Variants in AP2A2 observed in about 807,000 individuals in gnomAD.
AP2A2 encodes adaptor related protein complex 2 subunit alpha 2, also known as AP-2 complex subunit alpha-2.
A neutral mutation model predicts 104.2 loss-of-function variants in AP2A2; 32 were observed. The observed-to-expected ratio is 0.31, with a 90% confidence interval of 0.23 to 0.41. The LOEUF is 0.41. Ranked by LOEUF, AP2A2 falls within the 10% of genes least tolerant of loss-of-function variation. The probability of loss-of-function intolerance (pLI) is 1.00; values close to 1 mark genes in which losing one functional copy is unlikely to be tolerated. For synonymous variants in AP2A2, 539 were observed against 533.3 expected (o/e 1.01, Z -0.15); for missense variants, 912 against 1,261.0 (o/e 0.72, Z 4.19).
intron 2 of AP2A2, among the ~76,000 whole-genome samples, chr11:963,018 A>T (rs1017430944): frequency 6.6e-6 from 1 of 152,336 alleles, no homozygotes; most frequent in Admixed American, 6.5e-5. Flanking sequence ...TATCAGTCAC[A>T]TTCATAGGTC....
intron 8 of AP2A2, among the ~76,000 whole-genome samples, chr11:986,020 G>A (rs1181729702): frequency 3.3e-5 from 5 of 152,254 alleles, no homozygotes; most frequent in African/African-American, 1.2e-4. Context: ...GGTGGCGGTC[G>A]CTCCACACAG....
chr11:999,226 C>G (rs1169543387), intron 14 of AP2A2, among the ~76,000 whole-genome samples: 1 of 152,142 alleles, frequency 6.6e-6, no homozygotes. Context: ...TGCCTTTGCC[C>G]CAGGATCAAA....
At chr11:963,104 G>T (rs570591172) in intron 2 of AP2A2, among the ~76,000 whole-genome samples, 1 of 152,178 alleles carries the variant, frequency 6.6e-6, no homozygotes, top group East Asian at 1.9e-4. Context: ...ATTTAGTTCA[G>T]TATATCTAAA....
At chr11:948,916 C>G (rs1293171049) in intron 1 of AP2A2, among the ~76,000 whole-genome samples, 1 of 152,182 alleles carries the variant, frequency 6.6e-6, no homozygotes, top group Non-Finnish European at 1.5e-5. Flanking sequence ...AGAATAAGCT[C>G]TGGGCCAGGT....
intron 1 of AP2A2, among the ~76,000 whole-genome samples, chr11:932,187 A>G (rs1178235052): frequency 6.6e-6 from 1 of 152,168 alleles, no homozygotes; most frequent in Non-Finnish European, 1.5e-5. Context: ...TCTTGGCCTC[A>G]AGTGATCCAC....
Position 928,698 on chromosome 11 carries a change from A to G in AP2A2, c.67+2610A>G, listed in dbSNP as rs114438220. ...GAGAACCACTAGTGTATCCCATTGA[A>G]TAACACAGCCCCTCCCCTGAAGGAG... On this transcript the variant is annotated intron_variant, in intron 1 of 21. Coordinates refer to ENST00000448903, the MANE Select transcript of AP2A2 (RefSeq NM_012305.4). 2.3e-3 allele frequency among the ~76,000 whole-genome samples: 354 copies of G among 152,352 alleles called. 2 individuals are homozygous for G. The highest frequency in any genetic ancestry group is 8.3e-3 in the African/African-American group (345 of 41,578).
At chr11:989,591 C>T (rs1855579563) in intron 10 of AP2A2, among the ~76,000 whole-genome samples, 1 of 152,192 alleles carries the variant, frequency 6.6e-6, no homozygotes, top group African/African-American at 2.4e-5. Context: ...AGCTTAATGT[C>T]CCGTGTTGTT....
intron 4 of AP2A2, among the ~76,000 whole-genome samples, chr11:974,241 C>T (rs890381879): frequency 1.3e-5 from 2 of 151,142 alleles, no homozygotes; most frequent in South Asian, 2.1e-4. Context: ...GTGGGTGGCC[C>T]GTGTTCTGGT....
At chr11:1,000,260 T>C (rs1228900839) in intron 14 of AP2A2, among the ~76,000 whole-genome samples, 172 bp from the exon 15 acceptor site, 2 of 152,218 alleles carry the variant, frequency 1.3e-5, no homozygotes, top group East Asian at 3.8e-4. Flanking sequence ...AGGAAGTGGC[T>C]GTTAGCCCTC....
intron 1 of AP2A2, among the ~76,000 whole-genome samples, chr11:938,174 G>A (rs534198419): frequency 2.6e-5 from 4 of 152,268 alleles, no homozygotes; most frequent in South Asian, 2.1e-4. Context: ...CACCTGGGTC[G>A]CCTGTGTGCC....
intron 5 of AP2A2, among the ~76,000 whole-genome samples, chr11:979,198 G>T (rs915419718): frequency 6.6e-6 from 1 of 150,692 alleles, no homozygotes; most frequent in Non-Finnish European, 1.5e-5. Context: ...GAGAGGCTGA[G>T]CTCCGCGCCT....
chr11:941,311 G>A (rs143535877), intron 1 of AP2A2, among the ~76,000 whole-genome samples: 1 of 152,230 alleles, frequency 6.6e-6, no homozygotes, highest in Non-Finnish European at 1.5e-5. Flanking sequence ...CAATGTCCAG[G>A]ATTGTGATAA....
chr11:937,296 A>G (rs989656464), intron 1 of AP2A2, among the ~76,000 whole-genome samples: 2 of 152,062 alleles, frequency 1.3e-5, no homozygotes, highest in African/African-American at 2.4e-5. Flanking sequence ...CTGGGATTAC[A>G]GGTGTGCGCC....
At chr11:926,270 A>T (rs1195967725) in intron 1 of AP2A2, among the ~76,000 whole-genome samples, 182 bp downstream of exon 1, 1 of 6,832 alleles carries the variant, frequency 1.5e-4, no homozygotes, top group Non-Finnish European at 2.9e-4. Flanking sequence ...GGTGGGGGCC[A>T]GGGTGCGGGG....
chr11:995,829 C>T (rs1047567229), intron 14 of AP2A2, among the ~76,000 whole-genome samples: 6 of 143,632 alleles, frequency 4.2e-5, no homozygotes, highest in African/African-American at 1.6e-4. Context: ...TGGCACGCTG[C>T]TGTGCCCGCC....
At position 968,441 on chromosome 11, in the gene AP2A2, C is replaced by G. The variant is rs1300164150; in HGVS notation, c.137-1728C>G. On this transcript the variant is annotated intron_variant, in intron 2 of 21. Transcript: ENST00000448903. This position sits in a 1 kb window ranked among gnomAD's most constrained non-coding sequence, Gnocchi z 4.2. Reference sequence around the variant, plus strand: ...CCGTCTCCGCCCCTGTTCCCATCCCCGTCTCCATCCCCGTCCCCATCCCTG... The same window carrying G: ...CCGTCTCCGCCCCTGTTCCCATCCCGGTCTCCATCCCCGTCCCCATCCCTG... 2.3e-5 allele frequency among the ~76,000 whole-genome samples: 1 copy of G among 43,820 alleles called. No homozygotes were observed. Among genetic ancestry groups the G allele is most frequent in the East Asian group, 3.7e-4 (1 of 2,720 alleles). The allele number at this position is 43,820 out of a possible 152,430, so 28.7% of individuals were successfully genotyped here. A position where few individuals can be genotyped will look rare whatever the true frequency, so the allele number is the denominator to read the frequency against.
chr11:1,010,701 C>A lies in AP2A2; in HGVS notation c.*76C>A. On this transcript the variant is annotated 3_prime_UTR_variant, in exon 22 of 22. Coordinates refer to ENST00000448903, the MANE Select transcript of AP2A2 (RefSeq NM_012305.4). ...GCCGTTTGTCTTCGTGGCCATCCTG[C>A]AGATGAGCACCGTGTCCAGTGCCAC... 1.7e-6 allele frequency: 2 copies of A among 1,203,898 alleles called. No homozygotes were observed. Among genetic ancestry groups the A allele is most frequent in the Non-Finnish European group, 2.4e-6 (2 of 831,220 alleles). The allele number at this position is 1,203,898 out of a possible 1,614,324, so 74.6% of individuals were successfully genotyped here.
At chr11:946,453 T>C (rs1853836399) in intron 1 of AP2A2, 1 of 152,176 alleles carries the variant, frequency 6.6e-6, no homozygotes, top group South Asian at 2.1e-4. Flanking sequence ...GAGAATTCTG[T>C]GTCCAGTAAA....
chr11:948,140 A>G (rs1208325076), intron 1 of AP2A2, among the ~76,000 whole-genome samples: 1 of 152,158 alleles, frequency 6.6e-6, no homozygotes, highest in Admixed American at 6.6e-5. Context: ...CTAAAACAAG[A>G]AGGAAGAAAA....
Sources: gnomAD v4.1 joint callset for allele counts (sites outside exome capture counted in the v4.1 genomes callset) on GRCh38, gnomAD v4.1.1 for gene constraint, Gnocchi (gnomAD v3.1) non-coding constraint, MANE v1.5 for transcripts, NCBI Gene and HGNC (gene_info 2026-07-23, HGNC 2026-07-21) for gene names.